Variants in SYBU observed in about 807,000 individuals in gnomAD.
The protein encoded by SYBU is GOLSYN A protein.
A neutral mutation model predicts 35.9 loss-of-function variants in SYBU; 21 were observed. That is an observed-to-expected ratio of 0.58 (90% CI 0.41 to 0.84). SYBU has a LOEUF of 0.84. SYBU is among the 40% of genes least tolerant of loss of function. SYBU has a pLI of 0.00. For synonymous variants in SYBU, 319 were observed against 324.3 expected, an observed-to-expected ratio of 0.98 and a Z score of 0.18; for missense variants, 768 against 848.2, an observed-to-expected ratio of 0.91 and a Z score of 1.17.
chr8:109,646,615 C>T (rs1162046282), upstream of SYBU: 1 of 152,214 alleles, frequency 6.6e-6, no homozygotes, highest in African/African-American at 2.4e-5. Context: ...ATTCATACAA[C>T]TTATTATTCC....
chr8:109,664,362 C>T (rs564730799), intron 1 of SYBU, among the ~76,000 whole-genome samples: 2 of 151,972 alleles, frequency 1.3e-5, no homozygotes, highest in African/African-American at 4.8e-5. Flanking sequence ...TGAATAAACA[C>T]ACAAATAAAT....
At chr8:109,610,683 T>C (rs994164392) in intron 3 of SYBU, among the ~76,000 whole-genome samples, 2 of 152,222 alleles carry the variant, frequency 1.3e-5, no homozygotes, top group Admixed American at 6.5e-5. Flanking sequence ...CAGGTAACTT[T>C]CTGTAAATAA....
intron 1 of SYBU, among the ~76,000 whole-genome samples, chr8:109,675,483 A>G (rs1174981312): frequency 6.6e-6 from 1 of 152,228 alleles, no homozygotes; most frequent in Non-Finnish European, 1.5e-5. Flanking sequence ...AGAATTACAG[A>G]CTACCATCAG....
chr8:109,668,862 A>G (rs1430314943), intron 1 of SYBU, among the ~76,000 whole-genome samples: 1 of 152,206 alleles, frequency 6.6e-6, no homozygotes, highest in Non-Finnish European at 1.5e-5. Flanking sequence ...TGTATGATGA[A>G]TATTTTATGA....
At chr8:109,606,686 T>A (rs1439620536) in intron 3 of SYBU, among the ~76,000 whole-genome samples, 3 of 152,196 alleles carry the variant, frequency 2.0e-5, no homozygotes, top group Non-Finnish European at 4.4e-5. Flanking sequence ...TATGAAATAT[T>A]AAGTTAATCA....
chr8:109,627,293 C>G (rs1456801214), intron 2 of SYBU, among the ~76,000 whole-genome samples: 1 of 152,134 alleles, frequency 6.6e-6, no homozygotes, highest in Non-Finnish European at 1.5e-5. Flanking sequence ...TACTATGTGT[C>G]AGACACTAAT....
rs1200324482 is a variant in SYBU at position 109,664,230 on chromosome 8, TCAGTC to T, written c.-129+16476_-129+16480del. On this transcript the variant is annotated intron_variant, in intron 1 of 5. Coordinates refer to the SYBU transcript ENST00000408889. ...TTTCTCTAAGTGTGTTGCCAGAAACTCAGTCCCGTAACATGCTTGGAGAAACAAAT... is the reference window on the plus strand; with the variant it reads ...TTTCTCTAAGTGTGTTGCCAGAAACTCCGTAACATGCTTGGAGAAACAAAT... 2.6e-5 allele frequency among the ~76,000 whole-genome samples: 4 copies of T among 152,266 alleles called. No homozygotes were observed. The East Asian group carries it at 5.8e-4, about 22-fold the overall frequency.
At position 109,619,046 on chromosome 8, in the gene SYBU, G is replaced by T. The variant is rs745508722; in HGVS notation, c.230-7C>A. 1.9e-6 allele frequency: 3 copies of T among 1,610,436 alleles called. No homozygotes were observed. In the South Asian group the frequency reaches 3.3e-5, roughly 18 times the overall value. On this transcript the variant is annotated splice_region_variant and splice_polypyrimidine_tract_variant and intron_variant, in intron 2 of 6. Coordinates refer to ENST00000276646, the MANE Select transcript of SYBU (RefSeq NM_001099754.2). ...CTAGGACAGCCTGTGTCATCTAGAA[G>T]ACAGGAATCAATAAGTGTTTAATGA...
rs112031930 is a variant in SYBU at position 109,622,564 on chromosome 8, G to A, written c.230-3525C>T. 6.9e-3 allele frequency among the ~76,000 whole-genome samples: 1,056 copies of A among 152,224 alleles called. 15 individuals are homozygous for A. Among genetic ancestry groups the A allele is most frequent in the African/African-American group, 0.024 (1,006 of 41,550 alleles). ...ACTCTGAGATTCTGAGAATAGTAAA[G>A]CCAAGCTGATGTTCTTTGGTTGTTT... On this transcript the variant is annotated intron_variant, in intron 2 of 6. Transcript: ENST00000276646.
At chr8:109,598,056 T>C (rs1217232859) in intron 3 of SYBU, among the ~76,000 whole-genome samples, 7 of 152,160 alleles carry the variant, frequency 4.6e-5, no homozygotes, top group African/African-American at 2.4e-5. Flanking sequence ...AAATAACTTA[T>C]GGGTAGAGGT....
intron 3 of SYBU, chr8:109,608,002 C>G: frequency 3.9e-6 from 6 of 1,522,450 alleles, no homozygotes; most frequent in Non-Finnish European, 5.3e-6. Flanking sequence ...TGCAGAAATA[C>G]AGTGTGTGCA....
At position 109,576,064 on chromosome 8, in the gene SYBU, A is replaced by AAAG. The variant is rs1554607791; in HGVS notation, c.885-52_885-51insCTT. On this transcript the variant is annotated intron_variant, in intron 6 of 6. Coordinates refer to ENST00000276646, the MANE Select transcript of SYBU (RefSeq NM_001099754.2). ...AATTAAAAAAAAAAAAAAAAAAAAA[A>AAAG]AAAAAACTTTCAACTGGGCAACAGG... 1.4e-5 allele frequency: 21 copies of AAAG among 1,483,724 alleles called. No homozygotes were observed. The South Asian group carries it at 2.3e-4, about 16-fold the overall frequency. The allele number at this position is 1,483,724 out of a possible 1,614,324, so 91.9% of individuals were successfully genotyped here.
chr8:109,640,142 T>C (rs2130615516), intron 2 of SYBU, among the ~76,000 whole-genome samples: 1 of 152,316 alleles, frequency 6.6e-6, no homozygotes, highest in South Asian at 2.1e-4. Flanking sequence ...AATTATATGC[T>C]TCTGCCACTC....
intron 2 of SYBU, among the ~76,000 whole-genome samples, chr8:109,629,395 T>C (rs916520242): frequency 1.3e-5 from 2 of 152,198 alleles, no homozygotes; most frequent in Non-Finnish European, 2.9e-5. Flanking sequence ...CTAATATCCC[T>C]CTGAGATAAG....
At chr8:109,668,588 G>A (rs1816854087) in intron 1 of SYBU, among the ~76,000 whole-genome samples, 1 of 152,058 alleles carries the variant, frequency 6.6e-6, no homozygotes, top group Non-Finnish European at 1.5e-5. Context: ...TGATTTTGAG[G>A]GGATGTCACC....
rs201585032 is a variant in SYBU, at chr8:109,586,899, TTATAA to T, written c.428-742_428-738del. ...GTACAGACAACAGGTGGGTGTGTAATTATAATATAAATATGCTGTGCAGTAAAATA... is the reference window on the plus strand; with the variant it reads ...GTACAGACAACAGGTGGGTGTGTAATTATAAATATGCTGTGCAGTAAAATA... On this transcript the variant is annotated intron_variant, in intron 3 of 6. Transcript: ENST00000276646. Among the ~76,000 whole-genome samples, 64 of 152,318 alleles carry T rather than the reference TTATAA, an allele frequency of 4.2e-4. No homozygotes were observed. In the East Asian group the frequency reaches 9.6e-3, roughly 23 times the overall value.
At chr8:109,631,310 C>T (rs1378333398) in intron 2 of SYBU, among the ~76,000 whole-genome samples, 1 of 152,164 alleles carries the variant, frequency 6.6e-6, no homozygotes, top group African/African-American at 2.4e-5. Flanking sequence ...AGACATGTAA[C>T]TTACATCTAC....
intron 3 of SYBU, among the ~76,000 whole-genome samples, chr8:109,603,148 TG>T (rs1825719514): frequency 6.6e-6 from 1 of 152,366 alleles, no homozygotes; most frequent in East Asian, 1.9e-4. Flanking sequence ...CTTCTCGAGC[TG>T]GGGCGGAAGC....
chr8:109,647,303 C>T (rs1347813719), upstream of SYBU: 1 of 152,172 alleles, frequency 6.6e-6, no homozygotes, highest in East Asian at 1.9e-4. Context: ...TTTCAGTTCT[C>T]GGAGGTGGAG....
Sources: allele counts gnomAD v4.1 joint callset (sites outside exome capture counted in the v4.1 genomes callset), GRCh38; gene constraint gnomAD v4.1.1; transcripts MANE v1.5; gene names NCBI Gene and HGNC (gene_info 2026-07-23, HGNC 2026-07-21).